PCDHGA8: variants seen among roughly 807,000 people sequenced by gnomAD.
PCDHGA8 encodes the protein protocadherin gamma subfamily A, 8, also known as protocadherin gamma-A8.
A neutral mutation model predicts 59.2 loss-of-function variants in PCDHGA8; 45 were observed. That is an observed-to-expected ratio of 0.76 (90% CI 0.60 to 0.98). The LOEUF (loss-of-function observed/expected upper bound fraction) is 0.98. Among genes scored for constraint, PCDHGA8 ranks in the 50% least tolerant of loss-of-function variants. The pLI, the probability that PCDHGA8 is intolerant of heterozygous loss-of-function variation, is 0.00. For missense variants in PCDHGA8, 1,257 were observed against 1,196.2 expected (o/e 1.05, Z -0.75); for synonymous variants, 531 against 519.0 (o/e 1.02, Z -0.32).
At chr5:141,483,333 C>G (rs566443186) in intron 1 of PCDHGA8, among the ~76,000 whole-genome samples, 1 of 152,096 alleles carries the variant, frequency 6.6e-6, no homozygotes, top group East Asian at 1.9e-4. Context: ...GCAAAGAGAT[C>G]TTATCTCTTT....
chr5:141,482,126 A>G (rs1235540230), intron 1 of PCDHGA8, among the ~76,000 whole-genome samples: 1 of 152,004 alleles, frequency 6.6e-6, no homozygotes, highest in Non-Finnish European at 1.5e-5. Flanking sequence ...TGGGAGAATC[A>G]TATGGCTGGC....
intron 1 of PCDHGA8, among the ~76,000 whole-genome samples, chr5:141,452,253 T>G (rs2098736880): frequency 6.6e-6 from 1 of 152,166 alleles, no homozygotes; most frequent in Admixed American, 6.5e-5. Context: ...TTGCCATAAC[T>G]CTCTCATTTT....
At chr5:141,501,333 A>C (rs200092587) in intron 2 of PCDHGA8, among the ~76,000 whole-genome samples, 397 of 140,104 alleles carry the variant, frequency 2.8e-3, no homozygotes, top group Non-Finnish European at 2.6e-3. Flanking sequence ...ACACACACAC[A>C]CCCCAAACTC....
chr5:141,431,227 C>G lies in PCDHGA8; in HGVS notation c.2424+35990C>G. ...CTGAGATGCGGTTCCCTCTACCCCA[C>G]GCCTGGGATCCGGATATCGGGAAGA... On this transcript the variant is annotated intron_variant, in intron 1 of 3. Coordinates refer to ENST00000398604, the MANE Select transcript of PCDHGA8 (RefSeq NM_032088.2). This position sits in a 1 kb window ranked among gnomAD's most constrained non-coding sequence, Gnocchi z 4.8. 6.2e-7 allele frequency: 1 copy of G among 1,614,180 alleles called. No individual in the cohort carries two copies. Among genetic ancestry groups the G allele is most frequent in the Non-Finnish European group, 8.5e-7 (1 of 1,180,042 alleles).
At chr5:141,402,884 T>G in intron 1 of PCDHGA8, 1 of 1,481,582 alleles carries the variant, frequency 6.7e-7, no homozygotes, top group Non-Finnish European at 9.0e-7. Flanking sequence ...CTTTGCAGGG[T>G]GGAAGAAAGA....
chr5:141,437,664 A>G (rs10035418), intron 1 of PCDHGA8, among the ~76,000 whole-genome samples: 45,525 of 151,942 alleles, frequency 0.3, 8,040 homozygotes, highest in African/African-American at 0.5. Context: ...AGTTTCGAAG[A>G]GATGTTGATC....
At chr5:141,403,721 C>G (rs748888364) in intron 1 of PCDHGA8, 2 of 1,613,872 alleles carry the variant, frequency 1.2e-6, no homozygotes, top group East Asian at 2.2e-5. Flanking sequence ...GAACGTGCCC[C>G]CAGGCACCTG....
chr5:141,415,499 C>G (rs2095876120), intron 1 of PCDHGA8: 1 of 1,614,098 alleles, frequency 6.2e-7, no homozygotes, highest in Non-Finnish European at 8.5e-7. Context: ...CTGATCTTCC[C>G]CCAGCCCAAT....
At position 141,483,010 on chromosome 5, in the gene PCDHGA8, G is replaced by A. The variant is rs574078222; in HGVS notation, c.2425-11797G>A. Among the ~76,000 whole-genome samples the A allele has an allele frequency of 1.3e-3, 204 of 152,122 alleles. 1 individual carries two copies. Among genetic ancestry groups the A allele is most frequent in the African/African-American group, 4.0e-3 (168 of 41,498 alleles). On this transcript the variant is annotated intron_variant, in intron 1 of 3. Coordinates refer to ENST00000398604, the MANE Select transcript of PCDHGA8 (RefSeq NM_032088.2). Reference sequence around the variant, plus strand: ...CGAGGCAGGAGAATTGCTTGAACCCGGGAGGCAGAGGTTGCAATGAGCTGG... The same window carrying A: ...CGAGGCAGGAGAATTGCTTGAACCCAGGAGGCAGAGGTTGCAATGAGCTGG...
chr5:141,416,722 A>G (rs891558095), intron 1 of PCDHGA8: 3 of 152,258 alleles, frequency 2.0e-5, no homozygotes, highest in Admixed American at 6.5e-5. Context: ...TGATGAGTTC[A>G]TTTAGTTCAA....
At chr5:141,502,140 G>A (rs534984161) in intron 2 of PCDHGA8, among the ~76,000 whole-genome samples, 1 of 152,268 alleles carries the variant, frequency 6.6e-6, no homozygotes, top group South Asian at 2.1e-4. Context: ...CAGTCGGGCC[G>A]GAAGTAAGGA....
At chr5:141,405,978 T>G (rs1280230437) in intron 1 of PCDHGA8, among the ~76,000 whole-genome samples, 1 of 152,144 alleles carries the variant, frequency 6.6e-6, no homozygotes, top group Non-Finnish European at 1.5e-5. Context: ...TAAACCATAC[T>G]TCATGGGGTA....
intron 1 of PCDHGA8, chr5:141,410,800 T>A: frequency 1.5e-6 from 1 of 678,550 alleles, no homozygotes; most frequent in Non-Finnish European, 2.2e-6. Context: ...TAAGTTGCTC[T>A]ATCTTTTTGT....
chr5:141,435,804 A>AT (rs2097781092), intron 1 of PCDHGA8, among the ~76,000 whole-genome samples: 1 of 151,814 alleles, frequency 6.6e-6, no homozygotes, highest in Non-Finnish European at 1.5e-5. Flanking sequence ...CGTCCCAATT[A>AT]TTTTTTCTTT....
At chr5:141,453,922 T>C (rs2098777315) in intron 1 of PCDHGA8, among the ~76,000 whole-genome samples, 1 of 152,230 alleles carries the variant, frequency 6.6e-6, no homozygotes, top group African/African-American at 2.4e-5. Context: ...CAGTGATCAG[T>C]CACTGTGTGC....
intron 1 of PCDHGA8, chr5:141,418,622 G>C: frequency 6.2e-7 from 1 of 1,614,026 alleles, no homozygotes; most frequent in Non-Finnish European, 8.5e-7. Context: ...TCGGGAAGAC[G>C]TGCCTCCAGG....
At position 141,392,770 on chromosome 5, in the gene PCDHGA8, T is replaced by G; in HGVS notation, c.-44T>G. The G allele has an allele frequency of 6.6e-7, 1 of 1,511,750 alleles. No individual in the cohort carries two copies. Among genetic ancestry groups the G allele is most frequent in the South Asian group, 1.3e-5 (1 of 75,392 alleles). 93.6% of individuals were successfully genotyped at this position (1,511,750 alleles called of 1,614,324 possible). On this transcript the variant is annotated 5_prime_UTR_variant, in exon 1 of 4. Coordinates refer to ENST00000398604, the MANE Select transcript of PCDHGA8 (RefSeq NM_032088.2). ...GGCAAGAAACTAAATAAGACCCATT[T>G]ATGCACAGTGAAGATTCTGAGAGGA... is the stretch of plus-strand genomic sequence containing the variant.
chr5:141,463,438 CTTTTTTT>C (rs71576115), intron 1 of PCDHGA8, among the ~76,000 whole-genome samples: 1 of 103,252 alleles, frequency 9.7e-6, no homozygotes, highest in Non-Finnish European at 1.9e-5. Flanking sequence ...TTTCCTTCTC[CTTTTTTT>C]TTTTTTTTTT....
Position 141,491,509 on chromosome 5 carries a change from C to T in PCDHGA8, c.2425-3298C>T. 6.2e-7 allele frequency: 1 copy of T among 1,614,058 alleles called. No individual in the cohort carries two copies. Among genetic ancestry groups the T allele is most frequent in the Non-Finnish European group, 8.5e-7 (1 of 1,180,022 alleles). On this transcript the variant is annotated intron_variant, in intron 1 of 3. Coordinates refer to ENST00000398604, the MANE Select transcript of PCDHGA8 (RefSeq NM_032088.2). The surrounding 1 kb of genome is among the most constrained non-coding windows in gnomAD (Gnocchi z 6.9). Reference sequence around the variant, plus strand: ...CCTGCAGGTGAGCTCGGACGGCACGCTCAAGTACATGGAGGTGACGCTGCG... The same window carrying T: ...CCTGCAGGTGAGCTCGGACGGCACGTTCAAGTACATGGAGGTGACGCTGCG...
Sources: allele counts gnomAD v4.1 joint callset (sites outside exome capture counted in the v4.1 genomes callset), GRCh38; gene constraint gnomAD v4.1.1; non-coding constraint Gnocchi (gnomAD v3.1); transcripts MANE v1.5; gene names NCBI Gene and HGNC (gene_info 2026-07-23, HGNC 2026-07-21).